Variants in TFRC observed in about 807,000 individuals in gnomAD.
TFRC encodes transferrin receptor.
Under a neutral mutation model 85.8 loss-of-function variants are expected in TFRC, and 35 were observed. The ratio of observed to expected loss-of-function variants is 0.41; its 90% CI spans 0.31 to 0.54. The LOEUF (loss-of-function observed/expected upper bound fraction) is 0.54, where lower values mean the gene tolerates loss of function less well. Among genes scored for constraint, TFRC ranks in the 20% least tolerant of loss-of-function variants. The pLI is 0.31. For missense variants in TFRC, 828 were observed against 921.5 expected, an observed-to-expected ratio of 0.90 and a Z score of 1.31; for synonymous variants, 362 against 328.6, an observed-to-expected ratio of 1.10 and a Z score of -1.10.
rs41300435 is a variant in TFRC at position 196,077,150 on chromosome 3, G to A, written c.-23-28C>T. On this transcript the variant is annotated intron_variant, in intron 1 of 18. Transcript: ENST00000360110. ...AGGTATCAGAATAGAGAATTATTGA[G>A]AAAGATACTACTGTATCAGATTAGT... 0.22 allele frequency: 347,301 copies of A among 1,545,322 alleles called. 41,292 individuals are homozygous for A. The highest frequency in any genetic ancestry group is 0.25 in the Non-Finnish European group (276,529 of 1,120,586).
In TFRC at chr3:196,075,062, A is replaced by T. The variant is rs539508887; in HGVS notation, c.238+97T>A. 2.1e-4 allele frequency: 146 copies of T among 704,106 alleles called. No homozygotes were observed. The East Asian group carries it at 3.0e-3, about 15-fold the overall frequency. 43.6% of individuals were successfully genotyped at this position (704,106 alleles called of 1,614,324 possible). On this transcript the variant is annotated intron_variant, in intron 3 of 18. Transcript: ENST00000360110. ...CTCTGTCTCCAAAAAAAAAAAAAAA[A>T]AAAATAAGGTACAAAATAACTATAT...
chr3:196,063,742 C>T (rs1717476087), intron 11 of TFRC, among the ~76,000 whole-genome samples: 2 of 152,032 alleles, frequency 1.3e-5, no homozygotes. Context: ...CATGGCGAAA[C>T]CCTGTCTCTA....
chr3:196,074,114 C>T lies in TFRC; in HGVS notation c.250G>A (p.Gly84Ser). Residue 84 changes from glycine (G) to serine (S), a missense_variant, in exon 4 of 19, where the codon GGC (glycine) becomes AGC (serine). Coordinates refer to ENST00000360110, the MANE Select transcript of TFRC (RefSeq NM_001128148.3). ...ACCCCTTTACAATAGCCCAAGTAGC[C>T]AATCATAAATCCTAAAGAGACAAAG... Reference protein sequence around the residue: ...IVFFLIGFMIGYLGYCKGVEP... With the variant: ...IVFFLIGFMISYLGYCKGVEP... The T allele has an allele frequency of 6.2e-7, 1 of 1,612,684 alleles. No individual in the cohort carries two copies. Among genetic ancestry groups the T allele is most frequent in the Non-Finnish European group, 8.5e-7 (1 of 1,179,262 alleles).
chr3:196,069,615 G>A, intron 6 of TFRC, 47 bp from the exon 7 acceptor site: 1 of 1,216,734 alleles, frequency 8.2e-7, no homozygotes, highest in Non-Finnish European at 1.2e-6. Context: ...TATCGGAACA[G>A]CTCTAAAATC....
At chr3:196,055,472 C>T in intron 16 of TFRC, 171 bp from the exon 17 acceptor site, 2 of 621,652 alleles carry the variant, frequency 3.2e-6, no homozygotes, top group Non-Finnish European at 5.7e-6. Context: ...TAAGTACATT[C>T]TTGCTACTTC....
intron 16 of TFRC, among the ~76,000 whole-genome samples, chr3:196,056,465 T>C (rs1362121300): frequency 6.6e-6 from 1 of 152,236 alleles, no homozygotes; most frequent in Non-Finnish European, 1.5e-5. Flanking sequence ...AATGGCACGA[T>C]CTCGGCTCAC....
At chr3:196,069,828 A>T (rs1718041485) in intron 6 of TFRC, 4 of 321,816 alleles carry the variant, frequency 1.2e-5, no homozygotes, top group Non-Finnish European at 2.3e-5. Context: ...AAGGGCATTT[A>T]GATTAAAGAG....
At chr3:196,065,386 G>T in intron 10 of TFRC, 57 bp downstream of exon 10, 1 of 1,052,580 alleles carries the variant, frequency 9.5e-7, no homozygotes, top group Non-Finnish European at 1.3e-6. Flanking sequence ...ACATCCTTAG[G>T]AACAGAAAAG....
intron 13 of TFRC, among the ~76,000 whole-genome samples, chr3:196,061,769 G>A (rs756916893): frequency 2.0e-5 from 3 of 152,160 alleles, no homozygotes; most frequent in African/African-American, 4.8e-5. Flanking sequence ...GATTACAGGC[G>A]TGCACCACTG....
intron 9 of TFRC, among the ~76,000 whole-genome samples, chr3:196,066,955 G>A (rs996782562): frequency 1.1e-4 from 17 of 152,180 alleles, no homozygotes; most frequent in African/African-American, 3.9e-4. Context: ...TTAATGCTAC[G>A]TACTCTAATG....
rs1717660000 is a variant in TFRC at position 196,065,509 on chromosome 3, T to A, written c.1132A>T (p.Ser378Cys). The A allele has an allele frequency of 6.3e-7, 1 of 1,591,238 alleles. No individual in the cohort carries two copies. Among genetic ancestry groups the A allele is most frequent in the African/African-American group, 1.4e-5 (1 of 72,992 alleles). Residue 378 changes from serine to cysteine, a missense_variant, in exon 10 of 19, where the codon AGC becomes TGC. By Grantham distance (112) the Ser-to-Cys change is moderately radical (BLOSUM62 -1). Coordinates refer to ENST00000360110, the MANE Select transcript of TFRC (RefSeq NM_001128148.3). ...SESKNVKLTVSNVLKEIKILN... is the reference protein window; with the variant it reads ...SESKNVKLTVCNVLKEIKILN... The stretch of plus-strand genomic sequence containing the variant: ...ATTTTTATCTCTTTCAGCACATTGC[T>A]CACAGTGAGCTTCACATTCTTGCTT...
intron 10 of TFRC, among the ~76,000 whole-genome samples, chr3:196,064,950 T>C (rs1238755930): frequency 1.3e-5 from 2 of 152,186 alleles, no homozygotes; most frequent in African/African-American, 4.8e-5. Flanking sequence ...TAGGGCCTTA[T>C]TACCTCCCAA....
At chr3:196,068,185 A>G (rs1009942778) in intron 7 of TFRC, 55 bp from the exon 8 acceptor site, 6 of 1,349,856 alleles carry the variant, frequency 4.4e-6, no homozygotes, top group Non-Finnish European at 6.3e-6. Context: ...ACGAAATGAG[A>G]ATACATCCTG....
intron 6 of TFRC, among the ~76,000 whole-genome samples, chr3:196,071,167 T>C (rs1003364979): frequency 2.0e-5 from 3 of 152,208 alleles, no homozygotes; most frequent in African/African-American, 7.2e-5. Context: ...AAGGCATAGA[T>C]AATGTCAGCT....
rs757981946 is a variant in TFRC, at chr3:196,072,053, G to A, written c.534C>T (p.Leu178=). 1 of 1,614,148 alleles carries A rather than the reference G, an allele frequency of 6.2e-7. No individual in the cohort carries two copies. The highest frequency in any genetic ancestry group is 1.1e-5 in the South Asian group (1 of 91,068). The stretch of plus-strand genomic sequence containing the variant: ...AATGTTGATCACGCCAGACTTTGCT[G>A]AGTTTAAATTCACGAAATTGATTTT... The part of the protein sequence containing the change: ...YVENQFREFK[L]SKVWRDQHFV... Residue 178 remains leucine, a synonymous_variant, in exon 5 of 19, where the codon CTC becomes CTT. Transcript: ENST00000360110.
intron 2 of TFRC, among the ~76,000 whole-genome samples, chr3:196,076,542 C>T (rs1371747496): frequency 2.0e-5 from 3 of 151,838 alleles, no homozygotes; most frequent in Non-Finnish European, 4.4e-5. Flanking sequence ...CTCCGCCTCC[C>T]GGGTTCAAGC....
At chr3:196,059,841 T>C (rs1307856456) in intron 14 of TFRC, among the ~76,000 whole-genome samples, 1 of 147,804 alleles carries the variant, frequency 6.8e-6, no homozygotes, top group Non-Finnish European at 1.5e-5. Context: ...GTTTATTCAA[T>C]GAATATTTCC....
chr3:196,079,005 C>T (rs1338363908), intron 1 of TFRC, among the ~76,000 whole-genome samples: 2 of 152,076 alleles, frequency 1.3e-5, no homozygotes, highest in East Asian at 3.9e-4. Context: ...AACTTCTGAC[C>T]TAGGGTGATC....
intron 2 of TFRC, 25 bp downstream of exon 2, chr3:196,077,039 A>G (rs1302362152): frequency 6.2e-7 from 1 of 1,610,042 alleles, no homozygotes; most frequent in Admixed American, 1.7e-5. Context: ...TTGCAGACAC[A>G]GAAATACAAC....
Sources: allele counts gnomAD v4.1 joint callset (sites outside exome capture counted in the v4.1 genomes callset), GRCh38; gene constraint gnomAD v4.1.1; transcripts MANE v1.5; gene names NCBI Gene and HGNC (gene_info 2026-07-23, HGNC 2026-07-21).